FGD1: variants seen among roughly 807,000 people sequenced by gnomAD.
The protein encoded by FGD1 is FYVE, RhoGEF and PH domain-containing protein 1.
FGD1 carries 12 observed loss-of-function variants against 65.0 expected under a neutral mutation model. That is an observed-to-expected ratio of 0.18 (90% CI 0.12 to 0.30). FGD1 has a LOEUF of 0.30. Among genes scored for constraint, FGD1 ranks in the 10% least tolerant of loss-of-function variants. The pLI, the probability that FGD1 is intolerant of heterozygous loss-of-function variation, is 1.00. For missense variants in FGD1, 542 were observed against 837.6 expected (o/e 0.65, Z 4.36); for synonymous variants, 333 against 343.9 (o/e 0.97, Z 0.35).
chrX:54,468,026 T>A, intron 5 of FGD1, 94 bp from the exon 6 acceptor site: 1 of 824,402 alleles, frequency 1.2e-6, no homozygotes. Context: ...TTGTGGAGCT[T>A]TGGGATCAGC....
intron 1 of FGD1, among the ~76,000 whole-genome samples, chrX:54,487,124 G>C (rs764427527): frequency 9.1e-6 from 1 of 109,844 alleles, no homozygotes; most frequent in East Asian, 3.0e-4. Context: ...TCGTGCCTCA[G>C]CGTCCTGAGC....
chrX:54,466,075 C>G (rs1031880646), intron 6 of FGD1, among the ~76,000 whole-genome samples: 1 of 112,184 alleles, frequency 8.9e-6, no homozygotes, highest in Non-Finnish European at 1.9e-5. Flanking sequence ...TGCCTCAATT[C>G]TGCCCTGCCC....
intron 12 of FGD1, 140 bp from the exon 13 acceptor site, chrX:54,450,441 G>T: frequency 1.8e-6 from 1 of 558,474 alleles, no homozygotes; most frequent in Non-Finnish European, 3.1e-6. Context: ...ATGACCTTGG[G>T]CAAGTCACAT....
intron 1 of FGD1, among the ~76,000 whole-genome samples, chrX:54,475,297 A>G (rs1448393643): frequency 1.8e-5 from 2 of 112,539 alleles, no homozygotes; most frequent in Non-Finnish European, 3.8e-5. Context: ...AAGGTCACAG[A>G]GCAAATCAAT....
chrX:54,451,102 G>A (rs2360114), intron 12 of FGD1, among the ~76,000 whole-genome samples: 14,971 of 107,474 alleles, frequency 0.14, 2,047 homozygotes, highest in African/African-American at 0.42. Context: ...AAAGAGGGTA[G>A]TTTTTTTTTC....
chrX:54,455,790 A>T lies in FGD1; in HGVS notation c.1843-6T>A. Reference sequence around the variant, plus strand: ...TAAAGGAGGCGGTCGTTGAACTAGGAAGGAAAAAGTTTGGGATGTATGTGC... The same window carrying T: ...TAAAGGAGGCGGTCGTTGAACTAGGTAGGAAAAAGTTTGGGATGTATGTGC... On this transcript the variant is annotated splice_polypyrimidine_tract_variant and splice_region_variant and intron_variant, in intron 10 of 17. Transcript: ENST00000375135. 22 of 1,170,788 alleles carry T rather than the reference A, an allele frequency of 1.9e-5. No homozygotes were observed. Among genetic ancestry groups the T allele is most frequent in the Non-Finnish European group, 2.4e-5 (21 of 871,522 alleles).
chrX:54,446,121 T>C lies in FGD1; in HGVS notation c.2874A>G (p.Arg958=). The change falls in exon 18 of 18, where the codon CGA becomes CGG. Residue 958 remains arginine, a synonymous_variant. Coordinates refer to ENST00000375135, the MANE Select transcript of FGD1 (RefSeq NM_004463.3). ...TGTCCCAAACCCTCTAGGTCTTGTC[T>C]CGGGTCTGGGGGGATTCGGGGGGTT... is the stretch of plus-strand genomic sequence containing the variant. ...TAEPPESPQT[R]DKT 1 of 1,207,882 alleles carries C rather than the reference T, an allele frequency of 8.3e-7. No individual in the cohort carries two copies. The highest frequency in any genetic ancestry group is 1.1e-6 in the Non-Finnish European group (1 of 893,790).
chrX:54,450,062 A>G (rs1396919895), intron 13 of FGD1, among the ~76,000 whole-genome samples: 1 of 111,501 alleles, frequency 9.0e-6, no homozygotes, highest in Non-Finnish European at 1.9e-5. Context: ...CCTCAGAGAA[A>G]CCAGCTTCCT....
intron 1 of FGD1, among the ~76,000 whole-genome samples, chrX:54,479,604 T>C (rs752581393): frequency 6.4e-5 from 7 of 109,911 alleles, no homozygotes; most frequent in African/African-American, 2.3e-4. Flanking sequence ...GGCAAACTTC[T>C]CCCTACAGCC....
At chrX:54,477,085 G>A (rs1267278308) in intron 1 of FGD1, among the ~76,000 whole-genome samples, 2 of 112,554 alleles carry the variant, frequency 1.8e-5, no homozygotes, top group South Asian at 3.6e-4. Flanking sequence ...TGTGTGCACC[G>A]TGCTCGGCAC....
chrX:54,478,778 C>G (rs1315659495), intron 1 of FGD1, among the ~76,000 whole-genome samples: 1 of 106,627 alleles, frequency 9.4e-6, no homozygotes, highest in Non-Finnish European at 1.9e-5. Context: ...ATCCACAAAG[C>G]CACAAAACTA....
chrX:54,463,207 C>T, intron 8 of FGD1, among the ~76,000 whole-genome samples: 1 of 111,175 alleles, frequency 9.0e-6, no homozygotes, highest in Admixed American at 9.7e-5. Context: ...GTGCCAATGA[C>T]ATCCAAATCT....
intron 1 of FGD1, among the ~76,000 whole-genome samples, chrX:54,478,706 C>A (rs571738861): frequency 1.8e-5 from 2 of 108,483 alleles, no homozygotes; most frequent in African/African-American, 6.7e-5. Flanking sequence ...CAGTGACCCA[C>A]CCCCACCCCA....
intron 1 of FGD1, among the ~76,000 whole-genome samples, chrX:54,484,142 C>G (rs961922040): frequency 2.7e-5 from 3 of 112,269 alleles, no homozygotes; most frequent in Non-Finnish European, 5.6e-5. Flanking sequence ...CGAAAGTGCT[C>G]TCTTCCGCCT....
chrX:54,474,845 T>C (rs1922983708), intron 1 of FGD1, among the ~76,000 whole-genome samples: 1 of 112,346 alleles, frequency 8.9e-6, no homozygotes, highest in Non-Finnish European at 1.9e-5. Context: ...TCCTCAGATA[T>C]ACACACATAG....
chrX:54,447,337 C>A lies in FGD1; in HGVS notation c.2554G>T (p.Val852Leu). The change falls in exon 17 of 18, where the codon GTG becomes TTG. Residue 852 changes from valine to leucine, a missense_variant. Around this residue, in one of 6 missense-constraint regions of FGD1, gnomAD observed 182 missense variants for 311.4 expected, o/e 0.58. Transcript: ENST00000375135. ...TGAGGGGCTCCGTAGATATACAGCA[C>A]CAAGGGTTCATTTTCAGGGACCACG... is the stretch of plus-strand genomic sequence containing the variant. ...WFVVPENEPLVLYIYGAPQDV... is the reference protein window; with the variant it reads ...WFVVPENEPLLLYIYGAPQDV... 8.3e-7 allele frequency: 1 copy of A among 1,211,862 alleles called. No homozygotes were observed. The highest frequency in any genetic ancestry group is 1.1e-6 in the Non-Finnish European group (1 of 895,498).
chrX:54,486,538 G>A (rs1465569078), intron 1 of FGD1, among the ~76,000 whole-genome samples: 4 of 111,559 alleles, frequency 3.6e-5, no homozygotes, highest in African/African-American at 9.7e-5. Context: ...GAGCCACTGC[G>A]CCTGGCTGAT....
intron 8 of FGD1, among the ~76,000 whole-genome samples, chrX:54,462,389 CTTTTTTTTTTTT>C (rs1158349272): frequency 1.3e-5 from 1 of 79,576 alleles, no homozygotes; most frequent in Non-Finnish European, 2.4e-5. Flanking sequence ...ACTTCCCATT[CTTTTTTTTTTTT>C]TTTTTTTTTG....
chrX:54,494,884 G>A (rs961715142), intron 1 of FGD1, among the ~76,000 whole-genome samples: 9 of 111,290 alleles, frequency 8.1e-5, no homozygotes, highest in Non-Finnish European at 1.1e-4. Context: ...AGCAGACAGA[G>A]GAGAAGGGGG....
Sources: allele counts gnomAD v4.1 joint callset (sites outside exome capture counted in the v4.1 genomes callset), GRCh38; gene constraint gnomAD v4.1.1; regional missense constraint gnomAD v4.1.1; transcripts MANE v1.5; gene names NCBI Gene and HGNC (gene_info 2026-07-23, HGNC 2026-07-21).